The following LUZP2 variants were observed in gnomAD, a reference collection of about 807,000 sequenced individuals.
LUZP2 encodes leucine zipper protein 2.
A neutral mutation model predicts 51.6 loss-of-function variants in LUZP2; 52 were observed. That is an observed-to-expected ratio of 1.01 (90% CI 0.81 to 1.27). The LOEUF is 1.27. Among genes scored for constraint, LUZP2 ranks in the 50% most tolerant of loss-of-function variants. LUZP2 has a pLI of 0.00. For synonymous variants in LUZP2, 154 were observed against 137.3 expected, an observed-to-expected ratio of 1.12 and a Z score of -0.85; for missense variants, 436 against 395.4, an observed-to-expected ratio of 1.10 and a Z score of -0.87.
intron 7 of LUZP2, among the ~76,000 whole-genome samples, chr11:24,972,364 G>C (rs1855766041): frequency 6.6e-6 from 1 of 151,868 alleles, no homozygotes; most frequent in Non-Finnish European, 1.5e-5. Context: ...GTATTTTACA[G>C]ATATTGACTA....
At chr11:24,631,584 G>A (rs1479789093) in intron 1 of LUZP2, among the ~76,000 whole-genome samples, 1 of 151,704 alleles carries the variant, frequency 6.6e-6, no homozygotes, top group Non-Finnish European at 1.5e-5. Context: ...TTTTTGATGT[G>A]CTATTAGTTC....
chr11:24,954,311 T>C (rs1383432609), intron 7 of LUZP2, among the ~76,000 whole-genome samples: 1 of 152,084 alleles, frequency 6.6e-6, no homozygotes, highest in Non-Finnish European at 1.5e-5. Context: ...CAATATTTTA[T>C]CTGTCTCTTG....
At position 24,713,340 on chromosome 11, in the gene LUZP2, C is replaced by G. The variant is rs151196610; in HGVS notation, c.63-15829C>G. Among the ~76,000 whole-genome samples the G allele has an allele frequency of 5.1e-3, 769 of 152,090 alleles. 3 individuals carry two copies. Among genetic ancestry groups the G allele is most frequent in the South Asian group, 0.014 (65 of 4,800 alleles). On this transcript the variant is annotated intron_variant, in intron 1 of 11. Coordinates refer to ENST00000336930, the MANE Select transcript of LUZP2 (RefSeq NM_001009909.4). ...CATCATTTTAATACCCTAGCGAAAC[C>G]GAATCGAAGTCACTCTTATTCAGTC...
intron 10 of LUZP2, among the ~76,000 whole-genome samples, chr11:25,072,799 A>AGG (rs1859194045): frequency 6.7e-6 from 1 of 150,104 alleles, no homozygotes; most frequent in Non-Finnish European, 1.5e-5. Context: ...CCCAAACCCA[A>AGG]GTTTTATTGG....
At chr11:24,813,260 A>G (rs1361916873) in intron 5 of LUZP2, among the ~76,000 whole-genome samples, 2 of 152,184 alleles carry the variant, frequency 1.3e-5, no homozygotes, top group African/African-American at 4.8e-5. Context: ...CTCTTCAGTT[A>G]TATTCCTGCC....
At position 24,497,078 on chromosome 11, in the gene LUZP2, A is replaced by G. The variant is rs987142856; in HGVS notation, c.-166A>G. On this transcript the variant is annotated 5_prime_UTR_variant, in exon 1 of 12. Transcript: ENST00000336930. ...ACTCCTGAAGATACTCCTCGCTCCC[A>G]GCGCCTGCCTTCCCCAGGCGTCCGT... 1 of 495,144 alleles carries G rather than the reference A, an allele frequency of 2.0e-6. No individual in the cohort carries two copies. Among genetic ancestry groups the G allele is most frequent in the Non-Finnish European group, 3.5e-6 (1 of 289,828 alleles). 30.7% of individuals were successfully genotyped at this position (495,144 alleles called of 1,614,324 possible).
chr11:25,070,332 G>C (rs1463615365), intron 10 of LUZP2, among the ~76,000 whole-genome samples: 1 of 151,908 alleles, frequency 6.6e-6, no homozygotes, highest in Non-Finnish European at 1.5e-5. Context: ...AAAAAATGTG[G>C]AGCCAGTAAA....
At chr11:24,921,734 A>G (rs1243749025) in intron 7 of LUZP2, among the ~76,000 whole-genome samples, 1 of 152,202 alleles carries the variant, frequency 6.6e-6, no homozygotes, top group Non-Finnish European at 1.5e-5. Context: ...AGATGTGCAT[A>G]TATTAAATGC....
intron 5 of LUZP2, among the ~76,000 whole-genome samples, chr11:24,893,951 A>G (rs1354017122): frequency 6.6e-6 from 1 of 152,158 alleles, no homozygotes; most frequent in East Asian, 1.9e-4. Context: ...TGGTAGCTAT[A>G]TAATTTTGAT....
chr11:24,889,137 C>T (rs1046517199), intron 5 of LUZP2, among the ~76,000 whole-genome samples: 2 of 152,174 alleles, frequency 1.3e-5, no homozygotes, highest in Non-Finnish European at 2.9e-5. Context: ...TGTTTTCTCA[C>T]TCACCCTGGT....
chr11:24,723,227 G>T (rs76376652), intron 1 of LUZP2, among the ~76,000 whole-genome samples: 1 of 152,100 alleles, frequency 6.6e-6, no homozygotes, highest in Non-Finnish European at 1.5e-5. Context: ...AAGTACTAAT[G>T]ATACCAGTGT....
chr11:24,764,650 C>A (rs901328753), intron 5 of LUZP2, among the ~76,000 whole-genome samples: 27 of 151,862 alleles, frequency 1.8e-4, no homozygotes, highest in African/African-American at 6.3e-4. Context: ...GGTGACAGAG[C>A]AAGACCCTGT....
Position 25,012,344 on chromosome 11 carries a change from C to A in LUZP2, c.765+29051C>A, listed in dbSNP as rs76774223. ...ATCTCCCTGACTTAAATCTTTTTCTCCCAAACTCCCCACACTGTTTCCCAA... is the reference window on the plus strand; with the variant it reads ...ATCTCCCTGACTTAAATCTTTTTCTACCAAACTCCCCACACTGTTTCCCAA... On this transcript the variant is annotated intron_variant, in intron 9 of 11. Coordinates refer to ENST00000336930, the MANE Select transcript of LUZP2 (RefSeq NM_001009909.4). 3.6e-3 allele frequency among the ~76,000 whole-genome samples: 544 copies of A among 152,256 alleles called. 4 individuals carry two copies. Among genetic ancestry groups the A allele is most frequent in the African/African-American group, 0.012 (515 of 41,548 alleles).
chr11:25,032,473 A>T (rs1306117041), intron 9 of LUZP2, among the ~76,000 whole-genome samples: 1 of 152,142 alleles, frequency 6.6e-6, no homozygotes, highest in African/African-American at 2.4e-5. Context: ...TGACATGAAG[A>T]TATAATTTTG....
At chr11:24,724,461 A>G (rs1281726071) in intron 1 of LUZP2, among the ~76,000 whole-genome samples, 1 of 152,066 alleles carries the variant, frequency 6.6e-6, no homozygotes, top group Non-Finnish European at 1.5e-5. Context: ...CGTCCCAGCT[A>G]ACTGAGAGGC....
intron 7 of LUZP2, among the ~76,000 whole-genome samples, chr11:24,930,290 C>T (rs559784726): frequency 6.6e-6 from 1 of 152,068 alleles, no homozygotes; most frequent in African/African-American, 2.4e-5. Flanking sequence ...TGCCTGAATA[C>T]GTTTTTTTTC....
intron 1 of LUZP2, among the ~76,000 whole-genome samples, chr11:24,613,436 G>A (rs908515164): frequency 6.6e-6 from 1 of 151,872 alleles, no homozygotes; most frequent in Non-Finnish European, 1.5e-5. Flanking sequence ...ATGACATAGG[G>A]TAAAACAAAA....
At chr11:24,729,402 G>T in intron 2 of LUZP2, 116 bp downstream of exon 2, 1 of 521,716 alleles carries the variant, frequency 1.9e-6, no homozygotes, top group Non-Finnish European at 3.4e-6. Flanking sequence ...TGACCATGGT[G>T]GTTGTTACTT....
intron 1 of LUZP2, among the ~76,000 whole-genome samples, chr11:24,641,956 C>T (rs753665371): frequency 3.3e-5 from 5 of 151,872 alleles, no homozygotes; most frequent in Non-Finnish European, 5.9e-5. Context: ...TGCAGTGGCA[C>T]GATTTTGGCT....
Sources: allele counts gnomAD v4.1 joint callset (sites outside exome capture counted in the v4.1 genomes callset), GRCh38; gene constraint gnomAD v4.1.1; transcripts MANE v1.5; gene names NCBI Gene and HGNC (gene_info 2026-07-23, HGNC 2026-07-21).